Variants in EXOC1 observed in about 807,000 individuals in gnomAD.
EXOC1 encodes the protein SEC3-like 1.
A neutral mutation model predicts 107.7 loss-of-function variants in EXOC1; 67 were observed. The observed-to-expected ratio is 0.62, with a 90% CI of 0.51 to 0.76. The LOEUF is 0.76. Among genes scored for constraint, EXOC1 ranks in the 30% least tolerant of loss-of-function variants. The pLI is 0.00. For synonymous variants in EXOC1, 348 were observed against 353.5 expected (o/e 0.98, Z 0.17); for missense variants, 833 against 1,055.7 (o/e 0.79, Z 2.92).
At chr4:55,891,518 G>A in intron 13 of EXOC1, 96 bp downstream of exon 13, 1 of 848,680 alleles carries the variant, frequency 1.2e-6, no homozygotes, top group Non-Finnish European at 1.8e-6. Context: ...GAAGAGAAAA[G>A]GAAAGAATTT....
intron 5 of EXOC1, 158 bp downstream of exon 5, chr4:55,868,681 T>C (rs774241813): frequency 1.7e-5 from 9 of 526,146 alleles, no homozygotes; most frequent in Non-Finnish European, 2.8e-5. Flanking sequence ...CTTTTACTGT[T>C]CTTGTTCAAA....
chr4:55,871,293 G>C, intron 7 of EXOC1, 60 bp downstream of exon 7: 1 of 1,551,196 alleles, frequency 6.4e-7, no homozygotes, highest in Non-Finnish European at 8.7e-7. Flanking sequence ...CCTGTAACTT[G>C]TTATAAAGGT....
At chr4:55,860,055 T>C (rs932793112) in intron 2 of EXOC1, among the ~76,000 whole-genome samples, 1 of 152,192 alleles carries the variant, frequency 6.6e-6, no homozygotes, top group Non-Finnish European at 1.5e-5. Context: ...AAGAACTTTA[T>C]ATATAAATGT....
At chr4:55,860,825 T>C (rs1171273253) in intron 3 of EXOC1, among the ~76,000 whole-genome samples, 1 of 151,962 alleles carries the variant, frequency 6.6e-6, no homozygotes, top group African/African-American at 2.4e-5. Context: ...TTTTTGCTTG[T>C]TTGTTTGTTT....
In EXOC1 at chr4:55,896,665, A is replaced by G. The variant is rs981080483; in HGVS notation, c.1954-52A>G. On this transcript the variant is annotated intron_variant, in intron 15 of 18. Transcript: ENST00000381295. ...TATATATTTTGTTATGATTATATGT[A>G]GTTTTAAAGTTGCTTGGTTATTTAT... The G allele has an allele frequency of 2.9e-6, 4 of 1,395,458 alleles. No individual in the cohort carries two copies. The African/African-American group carries it at 5.8e-5, about 20-fold the overall frequency. 86.4% of individuals were successfully genotyped at this position (1,395,458 alleles called of 1,614,324 possible). A position where few individuals can be genotyped will look rare whatever the true frequency, so the allele number is the denominator to read the frequency against.
rs1365575311 is a variant in EXOC1 at position 55,864,360 on chromosome 4, T to C, written c.389T>C (p.Val130Ala). The change falls in exon 4 of 19, where the codon GTC becomes GCC. Residue 130 changes from valine to alanine, a missense_variant. Val to Ala is a moderately conservative substitution (Grantham distance 64). Around this residue, in one of 2 missense-constraint regions of EXOC1, gnomAD observed 617 missense variants for 701.3 expected, o/e 0.88. Coordinates refer to ENST00000381295, the MANE Select transcript of EXOC1 (RefSeq NM_001024924.2). ...TATCTCCGGAAGAAAATTGATTTTG[T>C]CAATGTTAGCTCACAGCTTTTGGAA... ...QRYLRKKIDFVNVSSQLLEES... is the reference protein window; with the variant it reads ...QRYLRKKIDFANVSSQLLEES... The C allele has an allele frequency of 2.5e-6, 4 of 1,609,674 alleles. No homozygotes were observed. Among genetic ancestry groups the C allele is most frequent in the African/African-American group, 2.7e-5 (2 of 74,966 alleles).
chr4:55,891,953 G>C (rs913678367), intron 13 of EXOC1, among the ~76,000 whole-genome samples: 1 of 152,142 alleles, frequency 6.6e-6, no homozygotes, highest in African/African-American at 2.4e-5. Flanking sequence ...TGCCTATTCA[G>C]CATGCCTTTC....
chr4:55,899,597 A>T, intron 16 of EXOC1, 88 bp from the exon 17 acceptor site: 14 of 1,209,366 alleles, frequency 1.2e-5, no homozygotes, highest in Non-Finnish European at 1.6e-5. Flanking sequence ...TAAACTTACA[A>T]ATGAAAAAAA....
At chr4:55,861,423 T>C (rs1023059444) in intron 3 of EXOC1, among the ~76,000 whole-genome samples, 17 of 152,142 alleles carry the variant, frequency 1.1e-4, no homozygotes, top group African/African-American at 3.6e-4. Context: ...ACAAAAAAAC[T>C]GCCTGTGTAA....
intron 1 of EXOC1, among the ~76,000 whole-genome samples, chr4:55,856,305 G>T (rs555635448): frequency 6.6e-6 from 1 of 152,336 alleles, no homozygotes; most frequent in African/African-American, 2.4e-5. Flanking sequence ...GTAGGGGATA[G>T]TTTAGGTATA....
chr4:55,871,267 A>C, intron 7 of EXOC1, 34 bp downstream of exon 7: 1 of 1,593,488 alleles, frequency 6.3e-7, no homozygotes, highest in Non-Finnish European at 8.6e-7. Flanking sequence ...AATGTGACCA[A>C]GAATGTGAGA....
rs1317977522 is a variant in EXOC1 at position 55,870,734 on chromosome 4, G to A, written c.660G>A (p.Leu220=). Residue 220 remains leucine (L), a synonymous_variant, in exon 6 of 19, where the codon TTG becomes TTA. Transcript: ENST00000381295. ...SEKQVNILMK[L]LDEALKEVDQ... Reference sequence around the variant, plus strand: ...AACAAGTCAACATCCTGATGAAATTGCTAGATGAGGCTCTAAAGGAGGTAG... The same window carrying A: ...AACAAGTCAACATCCTGATGAAATTACTAGATGAGGCTCTAAAGGAGGTAG... 2 of 1,613,852 alleles carry A rather than the reference G, an allele frequency of 1.2e-6. No homozygotes were observed. Among genetic ancestry groups the A allele is most frequent in the Non-Finnish European group, 1.7e-6 (2 of 1,179,892 alleles).
At chr4:55,855,875 ACT>A (rs1720917281) in intron 1 of EXOC1, among the ~76,000 whole-genome samples, 1 of 152,204 alleles carries the variant, frequency 6.6e-6, no homozygotes, top group African/African-American at 2.4e-5. Context: ...CAGCATGGAC[ACT>A]CTATAATAAG....
intron 10 of EXOC1, 51 bp from the exon 11 acceptor site, chr4:55,888,837 A>G: frequency 1.3e-6 from 2 of 1,596,124 alleles, no homozygotes; most frequent in Non-Finnish European, 1.7e-6. Flanking sequence ...TGCAAATTGC[A>G]GTTTATTAAC....
Position 55,866,916 on chromosome 4 carries a change from T to C in EXOC1, c.416-1420T>C, listed in dbSNP as rs544908917. On this transcript the variant is annotated intron_variant, in intron 4 of 18. Transcript: ENST00000381295. ...AGGTGCGTAACACCTTTTCTTCTTC[T>C]ATTCCATATGTTTTTATTAGTTGCC... The C allele has an allele frequency of 3.2e-4, 317 of 984,656 alleles. 1 individual carries two copies. In the African/African-American group the frequency reaches 5.2e-3, roughly 16 times the overall value. The allele number at this position is 984,656 out of a possible 1,614,324, so 61.0% of individuals were successfully genotyped here.
Position 55,904,406 on chromosome 4 carries a change from G to C in EXOC1, c.2596G>C (p.Ala866Pro). 1 of 1,612,458 alleles carries C rather than the reference G, an allele frequency of 6.2e-7. No homozygotes were observed. The highest frequency in any genetic ancestry group is 8.5e-7 in the Non-Finnish European group (1 of 1,179,628). The change falls in exon 19 of 19, where the codon GCT becomes CCT. Residue 866 changes from alanine (A) to proline (P), a missense_variant. Ala to Pro is a conservative substitution (Grantham distance 27, BLOSUM62 -1). This residue lies in a region of EXOC1 where 216 missense variants were observed against 354.4 expected (regional missense o/e 0.61). Transcript: ENST00000381295. Reference protein sequence around the residue: ...RQYKHFEGLIARCYPGSGVTM... With the variant: ...RQYKHFEGLIPRCYPGSGVTM... ...GTATAAGCACTTTGAAGGTTTGATAGCTCGCTGTTATCCTGGATCTGGTGT... is the reference window on the plus strand; with the variant it reads ...GTATAAGCACTTTGAAGGTTTGATACCTCGCTGTTATCCTGGATCTGGTGT...
At position 55,864,208 on chromosome 4, in the gene EXOC1, T is replaced by G. The variant is rs971436243; in HGVS notation, c.256-19T>G. On this transcript the variant is annotated intron_variant, in intron 3 of 18. Transcript: ENST00000381295. ...AGGATGTGATCAAAAATAATATCTT[T>G]TGTATATTTTTATTTTAGGAAAATC... The G allele has an allele frequency of 7.1e-7, 1 of 1,415,800 alleles. No homozygotes were observed. Among genetic ancestry groups the G allele is most frequent in the African/African-American group, 1.4e-5 (1 of 69,030 alleles). The allele number at this position is 1,415,800 out of a possible 1,614,324, so 87.7% of individuals were successfully genotyped here.
Position 55,883,959 on chromosome 4 carries a change from CCT to C in EXOC1, c.1330+32_1330+33del, listed in dbSNP as rs1723641284. On this transcript the variant is annotated intron_variant, in intron 10 of 18. Transcript: ENST00000381295. Reference sequence around the variant, plus strand: ...CTTAGGCATGTCAGTTCATTATCTTCCTATTAAAAATGGCTTTATTTATAACA... The same window carrying C: ...CTTAGGCATGTCAGTTCATTATCTTCATTAAAAATGGCTTTATTTATAACA... 3.4e-6 allele frequency: 5 copies of C among 1,467,832 alleles called. No individual in the cohort carries two copies. In the East Asian group the frequency reaches 1.2e-4, roughly 35 times the overall value. 90.9% of individuals were successfully genotyped at this position (1,467,832 alleles called of 1,614,324 possible). A position where few individuals can be genotyped will look rare whatever the true frequency, so the allele number is the denominator to read the frequency against.
intron 3 of EXOC1, among the ~76,000 whole-genome samples, 160 bp from the exon 4 acceptor site, chr4:55,864,067 G>A (rs1721729457): frequency 6.6e-6 from 1 of 152,122 alleles, no homozygotes; most frequent in Admixed American, 6.5e-5. Flanking sequence ...TAAACTTTTT[G>A]CTATAAATTG....
Sources: allele counts gnomAD v4.1 joint callset (sites outside exome capture counted in the v4.1 genomes callset), GRCh38; gene constraint gnomAD v4.1.1; regional missense constraint gnomAD v4.1.1; transcripts MANE v1.5; gene names NCBI Gene and HGNC (gene_info 2026-07-23, HGNC 2026-07-21).